SLC48A1: variants seen among roughly 807,000 people sequenced by gnomAD.
SLC48A1 encodes the protein solute carrier family 48 member 1.
SLC48A1 carries 6 observed loss-of-function variants against 14.8 expected under a neutral mutation model. The ratio of observed to expected loss-of-function variants is 0.41; its 90% confidence interval spans 0.22 to 0.80. SLC48A1 has a LOEUF of 0.80. Ranked by LOEUF, SLC48A1 falls within the 30% of genes least tolerant of loss-of-function variation. The pLI, the probability that SLC48A1 is intolerant of heterozygous loss-of-function variation, is 0.34. For missense variants in SLC48A1, 165 were observed against 204.8 expected (o/e 0.81, Z 1.19); for synonymous variants, 89 against 90.0 (o/e 0.99, Z 0.06).
rs1942876338 is a variant in SLC48A1, at chr12:47,781,501, A to AG, written c.*1223dup. The AG allele has an allele frequency of 6.5e-6, 1 of 153,492 alleles. No individual in the cohort carries two copies. The highest frequency in any genetic ancestry group is 1.5e-5 in the Non-Finnish European group (1 of 68,610). The allele number at this position is 153,492 out of a possible 1,614,324, so 9.5% of individuals were successfully genotyped here. On this transcript the variant is annotated 3_prime_UTR_variant, in exon 3 of 3. Transcript: ENST00000442218. ...GCTTTTCTGCCCATACACTGGCCCA[A>AG]GGGCTCACCTAACTTGGGAGGGAAG...
chr12:47,758,070 C>A (rs546437260), upstream of SLC48A1: 31 of 1,564,772 alleles, frequency 2.0e-5, no homozygotes, highest in South Asian at 3.4e-4. Flanking sequence ...TCTCACCTGG[C>A]CAGCCCACCT....
At chr12:47,755,302 C>G (rs1941988581), upstream of SLC48A1, among the ~76,000 whole-genome samples, 1 of 152,162 alleles carries the variant, frequency 6.6e-6, no homozygotes, top group African/African-American at 2.4e-5. Context: ...TCTCACAGGG[C>G]TGTTGTGAGA....
At chr12:47,758,714 G>A in intron 1 of SLC48A1, 3 of 1,394,006 alleles carry the variant, frequency 2.2e-6, no homozygotes, top group Non-Finnish European at 2.8e-6. Context: ...GGCTGCCAGG[G>A]CAGCAGGATG....
At chr12:47,775,093 C>A (rs2544033) in intron 1 of SLC48A1, among the ~76,000 whole-genome samples, 3,517 of 152,250 alleles carry the variant, frequency 0.023, 139 homozygotes, top group African/African-American at 0.081. Context: ...TGACCCTATC[C>A]TGGGCCACAG....
intron 2 of SLC48A1, among the ~76,000 whole-genome samples, chr12:47,764,368 C>G (rs919171117): frequency 6.6e-6 from 1 of 152,370 alleles, no homozygotes; most frequent in South Asian, 2.1e-4. Context: ...TCCCCACCTT[C>G]CCAAAACCTT....
chr12:47,763,348 T>G, intron 2 of SLC48A1, among the ~76,000 whole-genome samples: 1 of 152,104 alleles, frequency 6.6e-6, no homozygotes, highest in East Asian at 1.9e-4. Flanking sequence ...AGGCCTCCCA[T>G]GGGACTGCAG....
At position 47,780,530 on chromosome 12, in the gene SLC48A1, T is replaced by C; in HGVS notation, c.*249T>C. The C allele has an allele frequency of 1.3e-6, 1 of 757,476 alleles. No individual in the cohort carries two copies. Among genetic ancestry groups the C allele is most frequent in the South Asian group, 1.4e-5 (1 of 71,376 alleles). 46.9% of individuals were successfully genotyped at this position (757,476 alleles called of 1,614,324 possible). Reference sequence around the variant, plus strand: ...TGGCCAGAGGGCAGCTTTAGACCTTTTCAAATGAATCTGTTTTCTTTTCTT... The same window carrying C: ...TGGCCAGAGGGCAGCTTTAGACCTTCTCAAATGAATCTGTTTTCTTTTCTT... On this transcript the variant is annotated 3_prime_UTR_variant, in exon 3 of 3. Coordinates refer to ENST00000442218, the MANE Select transcript of SLC48A1 (RefSeq NM_017842.3).
At chr12:47,772,749 G>A (rs1357291977), upstream of SLC48A1, among the ~76,000 whole-genome samples, 1 of 152,106 alleles carries the variant, frequency 6.6e-6, no homozygotes, top group Non-Finnish European at 1.5e-5. Context: ...CAGTCAGAAG[G>A]TGATGGTCGC....
chr12:47,772,816 C>A (rs1182084572), upstream of SLC48A1, among the ~76,000 whole-genome samples: 2 of 152,118 alleles, frequency 1.3e-5, no homozygotes, highest in African/African-American at 2.4e-5. Context: ...TGGGAGGGAA[C>A]CTGGTTGATA....
chr12:47,775,480 T>TTGGTAG (rs1942729485), intron 1 of SLC48A1, among the ~76,000 whole-genome samples: 1 of 152,102 alleles, frequency 6.6e-6, no homozygotes, highest in South Asian at 2.1e-4. Context: ...CCAAAACTGC[T>TTGGTAG]TGGTAGTGGT....
At chr12:47,757,760 C>T, upstream of SLC48A1, 2 of 1,123,934 alleles carry the variant, frequency 1.8e-6, no homozygotes, top group South Asian at 3.0e-5. Context: ...TACCACTGTA[C>T]ACCCCCAGAG....
chr12:47,758,827 TTCG>T (rs1942261517), intron 1 of SLC48A1: 1 of 1,217,092 alleles, frequency 8.2e-7, no homozygotes, highest in South Asian at 3.4e-5. Flanking sequence ...AGCCTGCGCC[TTCG>T]TCTCAGACGA....
chr12:47,777,217 GC>G lies in SLC48A1; in HGVS notation c.137-1808del, dbSNP rs1942773935. On this transcript the variant is annotated intron_variant, in intron 1 of 2. Transcript: ENST00000442218. The surrounding 1 kb of genome is among the most constrained non-coding windows in gnomAD (Gnocchi z 4.5). ...AGGATGATTGTCCTGTCCACCTCTG[GC>G]CCACTCCAGCATCCAGACTAGGTGG... is the stretch of plus-strand genomic sequence containing the variant. Among the ~76,000 whole-genome samples the G allele has an allele frequency of 6.6e-6, 1 of 152,184 alleles. No individual in the cohort carries two copies. The highest frequency in any genetic ancestry group is 2.4e-5 in the African/African-American group (1 of 41,434).
At chr12:47,762,834 G>A (rs1425467819) in intron 2 of SLC48A1, among the ~76,000 whole-genome samples, 1 of 152,156 alleles carries the variant, frequency 6.6e-6, no homozygotes, top group Non-Finnish European at 1.5e-5. Flanking sequence ...TCCTTACTAT[G>A]CAATGCCACA....
chr12:47,773,031 G>C (rs1469447280), upstream of SLC48A1, among the ~76,000 whole-genome samples: 2 of 152,086 alleles, frequency 1.3e-5, no homozygotes, highest in Non-Finnish European at 2.9e-5. Context: ...CGGACACGGC[G>C]GGTCTGGGGA....
upstream of SLC48A1, chr12:47,756,135 C>G (rs1015857220): frequency 2.0e-5 from 3 of 152,226 alleles, no homozygotes; most frequent in African/African-American, 7.2e-5. Context: ...CAACCTTTAC[C>G]CCCACCTTTC....
chr12:47,758,422 G>C (rs1351012620), upstream of SLC48A1: 1 of 1,545,972 alleles, frequency 6.5e-7, no homozygotes, highest in South Asian at 1.2e-5. Flanking sequence ...ATGCAGCTTC[G>C]GCTTAAACCC....
At chr12:47,759,757 T>C (rs1942315224) in intron 1 of SLC48A1, among the ~76,000 whole-genome samples, 6 of 152,206 alleles carry the variant, frequency 3.9e-5, no homozygotes, top group Admixed American at 3.9e-4. Context: ...CAGCGACCCG[T>C]AATTCAGGAC....
intron 2 of SLC48A1, among the ~76,000 whole-genome samples, chr12:47,761,293 T>C (rs1942375245): frequency 6.6e-6 from 1 of 151,366 alleles, no homozygotes; most frequent in African/African-American, 2.4e-5. Flanking sequence ...TCGGTGAAAA[T>C]GAAACTGTCC....
Sources: gnomAD v4.1 joint callset for allele counts (sites outside exome capture counted in the v4.1 genomes callset) on GRCh38, gnomAD v4.1.1 for gene constraint, Gnocchi (gnomAD v3.1) non-coding constraint, MANE v1.5 for transcripts, NCBI Gene and HGNC (gene_info 2026-07-23, HGNC 2026-07-21) for gene names.